PAMR1: variants seen among roughly 807,000 people sequenced by gnomAD.
The protein encoded by PAMR1 is peptidase domain containing associated with muscle regeneration 1, also known as inactive serine protease PAMR1.
In PAMR1, 88 loss-of-function variants were observed where a neutral mutation model predicts 81.8. That is an observed-to-expected ratio of 1.08 (90% CI 0.91 to 1.28). The LOEUF is 1.28. Ranked by LOEUF, PAMR1 falls within the 50% of genes most tolerant of loss-of-function variation. The probability of loss-of-function intolerance (pLI) is 0.00; values close to 1 mark genes in which losing one functional copy is unlikely to be tolerated. For missense variants in PAMR1, 935 were observed against 919.7 expected (o/e 1.02, Z -0.21); for synonymous variants, 336 against 345.3 (o/e 0.97, Z 0.30).
intron 4 of PAMR1, 58 bp from the exon 5 acceptor site, chr11:35,470,876 G>A (rs909507159): frequency 3.4e-5 from 42 of 1,220,176 alleles, no homozygotes; most frequent in East Asian, 1.2e-4. Flanking sequence ...TCCTGAGACC[G>A]CTGGGCTCAT....
chr11:35,527,372 T>C (rs1851410323), upstream of PAMR1, among the ~76,000 whole-genome samples: 1 of 152,234 alleles, frequency 6.6e-6, no homozygotes, highest in Admixed American at 6.5e-5. Context: ...GCCTACCACA[T>C]ATTAAGTGCA....
intron 1 of PAMR1, among the ~76,000 whole-genome samples, chr11:35,501,023 T>TTTA (rs758604326): frequency 3.6e-4 from 55 of 152,194 alleles, no homozygotes; most frequent in Non-Finnish European, 6.9e-4. Context: ...TACTGTAGAC[T>TTTA]TTATAAACAC....
chr11:35,496,031 T>C (rs1850722308), intron 1 of PAMR1, among the ~76,000 whole-genome samples: 1 of 152,232 alleles, frequency 6.6e-6, no homozygotes, highest in African/African-American at 2.4e-5. Context: ...TTTCCACCAC[T>C]ACTGTCTGAG....
chr11:35,469,825 C>A (rs1182410120), intron 5 of PAMR1, among the ~76,000 whole-genome samples: 4 of 151,926 alleles, frequency 2.6e-5, no homozygotes, highest in African/African-American at 9.7e-5. Flanking sequence ...AATCAAACTT[C>A]AAGCCTGTGT....
intron 1 of PAMR1, among the ~76,000 whole-genome samples, chr11:35,500,498 C>T (rs1451580361): frequency 6.6e-6 from 1 of 152,114 alleles, no homozygotes; most frequent in East Asian, 1.9e-4. Flanking sequence ...GTCAAACGAC[C>T]CCACAAATAC....
intron 1 of PAMR1, 70 bp from the exon 2 acceptor site, chr11:35,494,342 T>C (rs750566803): frequency 3.7e-6 from 5 of 1,358,232 alleles, no homozygotes; most frequent in Non-Finnish European, 5.2e-6. Flanking sequence ...TTTGTTTGTT[T>C]GTTTGTTTTG....
At chr11:35,506,987 T>A (rs1267588755) in intron 1 of PAMR1, among the ~76,000 whole-genome samples, 1 of 150,744 alleles carries the variant, frequency 6.6e-6, no homozygotes, top group Non-Finnish European at 1.5e-5. Context: ...ATTGTACAAA[T>A]CATCTTTGTT....
intron 1 of PAMR1, among the ~76,000 whole-genome samples, chr11:35,515,483 A>G (rs951466839): frequency 1.1e-4 from 16 of 152,196 alleles, no homozygotes; most frequent in African/African-American, 3.6e-4. Flanking sequence ...TACCTCCCCC[A>G]GCTCTGCAAG....
At chr11:35,492,264 C>G in intron 2 of PAMR1, 91 bp from the exon 3 acceptor site, 1 of 1,389,562 alleles carries the variant, frequency 7.2e-7, no homozygotes, top group East Asian at 2.3e-5. Flanking sequence ...TTCTCAGGGC[C>G]CTGTCTCAAC....
At chr11:35,499,328 G>A (rs989326774) in intron 1 of PAMR1, among the ~76,000 whole-genome samples, 3 of 152,116 alleles carry the variant, frequency 2.0e-5, no homozygotes, top group Non-Finnish European at 4.4e-5. Flanking sequence ...TCCACTCTCT[G>A]AACAGCGAAT....
intron 8 of PAMR1, among the ~76,000 whole-genome samples, chr11:35,438,718 T>A (rs1565325171): frequency 1.3e-5 from 2 of 152,100 alleles, no homozygotes; most frequent in African/African-American, 4.8e-5. Flanking sequence ...ATTGAACAAA[T>A]AAACCCTTAA....
intron 1 of PAMR1, among the ~76,000 whole-genome samples, chr11:35,525,077 T>C (rs992637280): frequency 2.1e-5 from 3 of 143,664 alleles, no homozygotes; most frequent in Non-Finnish European, 3.1e-5. Context: ...AGCCCTGCTC[T>C]TTATTCCTTT....
rs563657979 is a variant in PAMR1 at position 35,507,968 on chromosome 11, C to T, written c.74-13696G>A. On this transcript the variant is annotated intron_variant, in intron 1 of 10. Coordinates refer to ENST00000619888, the MANE Select transcript of PAMR1 (RefSeq NM_001001991.3). ...TTGAAAGGCTGGCTAGGAGTTCATGCCTGGGGAACTTGTGGATGTACCTCC... is the reference window on the plus strand; with the variant it reads ...TTGAAAGGCTGGCTAGGAGTTCATGTCTGGGGAACTTGTGGATGTACCTCC... Among the ~76,000 whole-genome samples the T allele has an allele frequency of 1.1e-4, 16 of 152,214 alleles. No homozygotes were observed. In the South Asian group the frequency reaches 2.7e-3, roughly 26 times the overall value.
At chr11:35,528,249 T>C (rs1851421489), upstream of PAMR1, among the ~76,000 whole-genome samples, 2 of 152,148 alleles carry the variant, frequency 1.3e-5, no homozygotes, top group South Asian at 4.1e-4. Flanking sequence ...CTTGAATTTA[T>C]AAAAGTATAG....
intron 4 of PAMR1, among the ~76,000 whole-genome samples, chr11:35,471,779 G>T (rs1850191822): frequency 6.6e-6 from 1 of 152,130 alleles, no homozygotes; most frequent in Non-Finnish European, 1.5e-5. Flanking sequence ...ACATCCCAGG[G>T]CAAGAGAGGC....
intron 6 of PAMR1, chr11:35,451,955 T>C: frequency 1.5e-6 from 1 of 684,758 alleles, no homozygotes; most frequent in South Asian, 1.6e-5. Context: ...GAAATAAATG[T>C]TTGTTGTTTA....
chr11:35,469,444 C>T (rs1041335218), intron 5 of PAMR1, among the ~76,000 whole-genome samples: 18 of 152,180 alleles, frequency 1.2e-4, no homozygotes, highest in African/African-American at 2.2e-4. Flanking sequence ...CCCCCACAGA[C>T]ACATCTCATG....
chr11:35,485,209 T>A lies in PAMR1; in HGVS notation c.379+6836A>T, dbSNP rs545787861. On this transcript the variant is annotated intron_variant, in intron 3 of 10. Coordinates refer to ENST00000619888, the MANE Select transcript of PAMR1 (RefSeq NM_001001991.3). ...GCTTAACGGGCCAAATCTGAAACAA[T>A]CTAAGCATCAAAAGAAAAATTATGA... 5.3e-5 allele frequency among the ~76,000 whole-genome samples: 8 copies of A among 152,074 alleles called. 1 individual carries two copies. Among genetic ancestry groups the A allele is most frequent in the Admixed American group, 3.9e-4 (6 of 15,278 alleles).
intron 9 of PAMR1, 94 bp from the exon 10 acceptor site, chr11:35,434,898 G>T (rs1856002940): frequency 1.6e-6 from 2 of 1,273,478 alleles, no homozygotes; most frequent in Non-Finnish European, 2.2e-6. Context: ...ATCTGGAAAG[G>T]TGAACTGTAT....
Sources: allele counts gnomAD v4.1 joint callset (sites outside exome capture counted in the v4.1 genomes callset), GRCh38; gene constraint gnomAD v4.1.1; transcripts MANE v1.5; gene names NCBI Gene and HGNC (gene_info 2026-07-23, HGNC 2026-07-21).